Variants in COQ7 observed in about 807,000 individuals in gnomAD.
COQ7 encodes the protein NADPH-dependent 3-demethoxyubiquinone 3-hydroxylase, mitochondrial.
COQ7 carries 21 observed loss-of-function variants against 25.0 expected under a neutral mutation model. The ratio of observed to expected loss-of-function variants is 0.84; its 90% confidence interval spans 0.60 to 1.21. The LOEUF is 1.21. COQ7 is among the 50% of genes most tolerant of loss of function. The pLI is 0.00. For synonymous variants in COQ7, 125 were observed against 112.4 expected, an observed-to-expected ratio of 1.11 and a Z score of -0.71; for missense variants, 311 against 296.2, an observed-to-expected ratio of 1.05 and a Z score of -0.37.
At chr16:19,072,737 G>A (rs1218335228) in intron 2 of COQ7, among the ~76,000 whole-genome samples, 5 of 152,202 alleles carry the variant, frequency 3.3e-5, no homozygotes, top group South Asian at 2.1e-4. Flanking sequence ...GTATACTGGC[G>A]CAGTCATAGT....
downstream of COQ7, among the ~76,000 whole-genome samples, chr16:19,082,994 AGT>A (rs1226149028): frequency 2.0e-5 from 3 of 152,112 alleles, no homozygotes; most frequent in Admixed American, 6.5e-5. Context: ...ATGGATACAG[AGT>A]GTTTTTTTGG....
chr16:19,078,126 A>C lies in COQ7; in HGVS notation c.622A>C (p.Arg208=). The C allele has an allele frequency of 1.2e-6, 2 of 1,612,146 alleles. No homozygotes were observed. Among genetic ancestry groups the C allele is most frequent in the East Asian group, 2.2e-5 (1 of 44,676 alleles). ...VLKSIIQAGC[R]VAIYLSERL is the part of the protein sequence containing the mutation. The stretch of plus-strand genomic sequence containing the variant: ...GAAGAGCATTATCCAGGCCGGATGC[A>C]GAGTGGCGATATATTTATCAGAAAG... The change falls in exon 6 of 6, where the codon AGA becomes CGA. Residue 208 remains arginine, a synonymous_variant. Coordinates refer to ENST00000321998, the MANE Select transcript of COQ7 (RefSeq NM_016138.5).
chr16:19,077,630 C>T (rs1009535294), intron 5 of COQ7, among the ~76,000 whole-genome samples: 3 of 112,444 alleles, frequency 2.7e-5, no homozygotes, highest in South Asian at 3.3e-4. Context: ...ACTCTGTCTC[C>T]CATGCTGGAG....
intron 1 of COQ7, 26 bp downstream of exon 1, chr16:19,067,763 C>T (rs1008793367): frequency 5.0e-6 from 8 of 1,589,434 alleles, no homozygotes; most frequent in Non-Finnish European, 6.0e-6. Context: ...CAGTCACAGT[C>T]CTGCGCCGGT....
chr16:19,080,796 ATTTC>A (rs565693041), downstream of COQ7, among the ~76,000 whole-genome samples: 132 of 152,262 alleles, frequency 8.7e-4, no homozygotes, highest in Middle Eastern at 3.4e-3. Context: ...AAATAACGAA[ATTTC>A]TTTGTCAATT....
chr16:19,082,968 T>C (rs1340204240), downstream of COQ7, among the ~76,000 whole-genome samples: 2 of 151,558 alleles, frequency 1.3e-5, no homozygotes, highest in African/African-American at 2.4e-5. Flanking sequence ...TGGGGAGAAA[T>C]AGGGAGTAAC....
At chr16:19,067,965 G>T (rs1962319591) in intron 1 of COQ7, 6 of 1,420,440 alleles carry the variant, frequency 4.2e-6, no homozygotes, top group Non-Finnish European at 5.5e-6. Flanking sequence ...AGTGACGCCT[G>T]GGGAGTGACG....
intron 1 of COQ7, 113 bp downstream of exon 1, chr16:19,067,850 T>C: frequency 6.6e-7 from 1 of 1,509,828 alleles, no homozygotes; most frequent in Non-Finnish European, 8.8e-7. Context: ...GTCACAGGCC[T>C]GCGACGGAGC....
intron 3 of COQ7, 42 bp downstream of exon 3, chr16:19,074,077 T>A: frequency 2.1e-6 from 3 of 1,418,942 alleles, no homozygotes; most frequent in Non-Finnish European, 3.0e-6. Flanking sequence ...CTTGGGGATC[T>A]AGGATGATTA....
intron 1 of COQ7, chr16:19,068,275 G>A (rs1035021991): frequency 6.0e-6 from 6 of 992,542 alleles, no homozygotes; most frequent in Non-Finnish European, 7.2e-6. Flanking sequence ...CAGTGTAGTG[G>A]AAGGAGCATC....
intron 3 of COQ7, 139 bp downstream of exon 3, chr16:19,074,174 G>T: frequency 1.7e-6 from 1 of 575,374 alleles, no homozygotes; most frequent in Non-Finnish European, 3.0e-6. Flanking sequence ...AGGTTAAATT[G>T]ACTGCCTTTT....
chr16:19,075,956 G>A (rs1296304826), intron 4 of COQ7, 96 bp downstream of exon 4: 28 of 1,530,020 alleles, frequency 1.8e-5, no homozygotes, highest in Non-Finnish European at 2.2e-5. Context: ...GTTAGGGGAT[G>A]ATGGGGGTTT....
In COQ7 at chr16:19,077,463, T is replaced by C. The variant is rs1271204088; in HGVS notation, c.576+89T>C. 14 of 1,114,380 alleles carry C rather than the reference T, an allele frequency of 1.3e-5. No individual in the cohort carries two copies. In the East Asian group the frequency reaches 3.0e-4, roughly 24 times the overall value. The allele number at this position is 1,114,380 out of a possible 1,614,324, so 69.0% of individuals were successfully genotyped here. A position where few individuals can be genotyped will look rare whatever the true frequency, so the allele number is the denominator to read the frequency against. On this transcript the variant is annotated intron_variant, in intron 5 of 5. Coordinates refer to ENST00000321998, the MANE Select transcript of COQ7 (RefSeq NM_016138.5). ...AGGTTTCTGTTGCCAGAAAAATACATTTTAAAGTGACAGCGAAAGGGAGAG... is the reference window on the plus strand; with the variant it reads ...AGGTTTCTGTTGCCAGAAAAATACACTTTAAAGTGACAGCGAAAGGGAGAG...
At chr16:19,076,055 A>G (rs1478415649) in intron 4 of COQ7, among the ~76,000 whole-genome samples, 195 bp downstream of exon 4, 1 of 152,160 alleles carries the variant, frequency 6.6e-6, no homozygotes, top group Non-Finnish European at 1.5e-5. Flanking sequence ...CAGCACAGAC[A>G]GAGCTGGGAC....
At chr16:19,068,513 G>A (rs547827569) in intron 1 of COQ7, 51 of 386,512 alleles carry the variant, frequency 1.3e-4, no homozygotes, top group African/African-American at 1.0e-3. Context: ...TTTGCCAGGC[G>A]TGATGGCAGG....
At chr16:19,069,449 C>T (rs1331800399) in intron 1 of COQ7, among the ~76,000 whole-genome samples, 12 of 119,500 alleles carry the variant, frequency 1.0e-4, no homozygotes, top group South Asian at 8.0e-4. Flanking sequence ...CTTGCTTTGT[C>T]GCCCAGGCTG....
chr16:19,073,409 G>A (rs928050181), intron 2 of COQ7, among the ~76,000 whole-genome samples: 2 of 152,124 alleles, frequency 1.3e-5, no homozygotes, highest in Non-Finnish European at 2.9e-5. Context: ...TGGGAGGATC[G>A]CTTGATCCTG....
Position 19,077,365 on chromosome 16 carries a change from T to C in COQ7, c.567T>C (p.Asp189=). Residue 189 remains aspartate (D), a synonymous_variant, in exon 5 of 6, where the codon GAT becomes GAC. Transcript: ENST00000321998. ...ACCATGACATAGGCCTCGACCATGATGCAGAATTGGTAGGGCCCTACTGTT... is the reference window on the plus strand; with the variant it reads ...ACCATGACATAGGCCTCGACCATGACGCAGAATTGGTAGGGCCCTACTGTT... ...LEHHDIGLDH[D]AELAPAYAVL... 6.2e-7 allele frequency: 1 copy of C among 1,614,094 alleles called. No homozygotes were observed. The highest frequency in any genetic ancestry group is 8.5e-7 in the Non-Finnish European group (1 of 1,179,996).
chr16:19,075,874 C>T lies in COQ7; in HGVS notation c.507+14C>T, dbSNP rs776628981. On this transcript the variant is annotated intron_variant, in intron 4 of 5. Transcript: ENST00000321998. Reference sequence around the variant, plus strand: ...GAACTTCTTCAGGTATTTATCCGTGCTCTAGAACGGGGCTGCTCAAGGAGG... The same window carrying T: ...GAACTTCTTCAGGTATTTATCCGTGTTCTAGAACGGGGCTGCTCAAGGAGG... 3.3e-5 allele frequency: 53 copies of T among 1,613,996 alleles called. No individual in the cohort carries two copies. In the South Asian group the frequency reaches 5.6e-4, roughly 17 times the overall value.
Sources: allele counts gnomAD v4.1 joint callset (sites outside exome capture counted in the v4.1 genomes callset), GRCh38; gene constraint gnomAD v4.1.1; transcripts MANE v1.5; gene names NCBI Gene and HGNC (gene_info 2026-07-23, HGNC 2026-07-21).